Variants in CAMK4 observed in about 807,000 individuals in gnomAD.
CAMK4 encodes the protein calcium/calmodulin dependent protein kinase IV.
CAMK4 carries 22 observed loss-of-function variants against 44.9 expected under a neutral mutation model. The ratio of observed to expected loss-of-function variants is 0.49; its 90% CI spans 0.35 to 0.70. CAMK4 has a LOEUF of 0.70. Among genes scored for constraint, CAMK4 ranks in the 30% least tolerant of loss-of-function variants. The pLI, the probability that CAMK4 is intolerant of heterozygous loss-of-function variation, is 0.01. For synonymous variants in CAMK4, 218 were observed against 215.4 expected, an observed-to-expected ratio of 1.01 and a Z score of -0.11; for missense variants, 498 against 586.8, an observed-to-expected ratio of 0.85 and a Z score of 1.56.
rs114273456 is a variant in CAMK4 at position 111,289,830 on chromosome 5, G to A, written c.162-54194G>A. ...ATTCATACTTCTCCCCATCCCCATT[G>A]TGTAGCAGAAATGCTAGCTCTCAGG... is the stretch of plus-strand genomic sequence containing the variant. On this transcript the variant is annotated intron_variant, in intron 1 of 10. Coordinates refer to ENST00000282356, the MANE Select transcript of CAMK4 (RefSeq NM_001744.6). 1.2e-3 allele frequency among the ~76,000 whole-genome samples: 185 copies of A among 152,294 alleles called. 1 individual carries two copies. The highest frequency in any genetic ancestry group is 4.2e-3 in the African/African-American group (176 of 41,554).
intron 4 of CAMK4, among the ~76,000 whole-genome samples, chr5:111,391,019 G>A (rs986380727): frequency 2.6e-5 from 4 of 152,168 alleles, no homozygotes; most frequent in African/African-American, 9.6e-5. Context: ...GAAATTGGGA[G>A]TGATTTTTAC....
chr5:111,238,485 C>T (rs990619415), intron 1 of CAMK4, among the ~76,000 whole-genome samples: 1 of 152,032 alleles, frequency 6.6e-6, no homozygotes, highest in African/African-American at 2.4e-5. Context: ...GAGTTCTCAT[C>T]AGAACCCGAC....
At position 111,374,951 on chromosome 5, in the gene CAMK4, G is replaced by A. The variant is rs372493883; in HGVS notation, c.303+39G>A. 84 of 1,423,146 alleles carry A rather than the reference G, an allele frequency of 5.9e-5. No individual in the cohort carries two copies. In the African/African-American group the frequency reaches 1.1e-3, roughly 19 times the overall value. The allele number at this position is 1,423,146 out of a possible 1,614,324, so 88.2% of individuals were successfully genotyped here. A position where few individuals can be genotyped will look rare whatever the true frequency, so the allele number is the denominator to read the frequency against. ...AACCTACTATTTCAAATGATTGCCAGAGCTAGAGAAAGGGACCTTTGTCCT... is the reference window on the plus strand; with the variant it reads ...AACCTACTATTTCAAATGATTGCCAAAGCTAGAGAAAGGGACCTTTGTCCT... On this transcript the variant is annotated intron_variant, in intron 3 of 10. Transcript: ENST00000282356.
Position 111,224,929 on chromosome 5 carries a change from C to T in CAMK4, c.161+285C>T, listed in dbSNP as rs1247159921. ...CCCTTGGGTGACAGCTCCCACCGCACGTGGGCCCTGCTTTCCCAATTGATA... is the reference window on the plus strand; with the variant it reads ...CCCTTGGGTGACAGCTCCCACCGCATGTGGGCCCTGCTTTCCCAATTGATA... On this transcript the variant is annotated intron_variant, in intron 1 of 10. Transcript: ENST00000282356. The surrounding 1 kb of genome is among the most constrained non-coding windows in gnomAD (Gnocchi z 5.7). Among the ~76,000 whole-genome samples the T allele has an allele frequency of 6.6e-6, 1 of 151,986 alleles. No individual in the cohort carries two copies.
Position 111,344,016 on chromosome 5 carries a change from C to T in CAMK4, c.162-8C>T. On this transcript the variant is annotated splice_region_variant and splice_polypyrimidine_tract_variant and intron_variant, in intron 1 of 10. Transcript: ENST00000282356. The stretch of plus-strand genomic sequence containing the variant: ...TAACATTTTCTTTTTGTCTTTTTCC[C>T]CCTCAAGGGGTGCTACATCCATTGT... The T allele has an allele frequency of 3.8e-6, 6 of 1,559,718 alleles. No individual in the cohort carries two copies. The highest frequency in any genetic ancestry group is 1.7e-4 in the Middle Eastern group (1 of 5,900).
intron 1 of CAMK4, among the ~76,000 whole-genome samples, chr5:111,314,037 A>G (rs1384912415): frequency 1.3e-5 from 2 of 152,004 alleles, no homozygotes; most frequent in Non-Finnish European, 2.9e-5. Flanking sequence ...TGTTAGGACA[A>G]TTTTGTTTTT....
At chr5:111,305,048 C>T (rs1381578921) in intron 1 of CAMK4, among the ~76,000 whole-genome samples, 6 of 99,872 alleles carry the variant, frequency 6.0e-5, no homozygotes, top group African/African-American at 2.0e-4. Flanking sequence ...TTGAAACCAA[C>T]GAGAACAAAG....
At position 111,233,742 on chromosome 5, in the gene CAMK4, C is replaced by G. The variant is rs138487036; in HGVS notation, c.161+9098C>G. 3.6e-3 allele frequency among the ~76,000 whole-genome samples: 549 copies of G among 152,190 alleles called. 5 individuals are homozygous for G. Among genetic ancestry groups the G allele is most frequent in the African/African-American group, 0.013 (525 of 41,522 alleles). The stretch of plus-strand genomic sequence containing the variant: ...GTGTGTTGAATAATCCTTCTATATG[C>G]TATGCAGATGTCTCAGGTGGATAAT... On this transcript the variant is annotated intron_variant, in intron 1 of 10. Coordinates refer to ENST00000282356, the MANE Select transcript of CAMK4 (RefSeq NM_001744.6).
intron 5 of CAMK4, among the ~76,000 whole-genome samples, chr5:111,426,275 A>G (rs1385756551): frequency 1.3e-5 from 2 of 152,246 alleles, no homozygotes; most frequent in Non-Finnish European, 2.9e-5. Flanking sequence ...GTAAATATTC[A>G]TAAGGCAAGA....
chr5:111,408,533 G>A (rs1468235274), intron 5 of CAMK4, among the ~76,000 whole-genome samples: 4 of 152,116 alleles, frequency 2.6e-5, no homozygotes, highest in African/African-American at 9.7e-5. Context: ...TGAGATTTGG[G>A]TGGGGACACA....
At chr5:111,294,192 A>C (rs1254936170) in intron 1 of CAMK4, among the ~76,000 whole-genome samples, 2 of 152,236 alleles carry the variant, frequency 1.3e-5, no homozygotes, top group Non-Finnish European at 2.9e-5. Context: ...TGATGCCATC[A>C]ATGAAATAAA....
At chr5:111,228,486 C>G (rs541562522) in intron 1 of CAMK4, among the ~76,000 whole-genome samples, 5 of 146,580 alleles carry the variant, frequency 3.4e-5, no homozygotes, top group African/African-American at 1.3e-4. Context: ...TGTTTAGGAA[C>G]CAAATAGATT....
Position 111,344,063 on chromosome 5 carries a change from G to T in CAMK4, c.201G>T (p.Gly67=). ...TTGTGTACAGATGCAAACAGAAGGG[G>T]ACCCAGAAGCCTTATGCTCTCAAAG... ...TSIVYRCKQK[G]TQKPYALKVL... Residue 67 remains glycine (G), a synonymous_variant, in exon 2 of 11, where the codon GGG becomes GGT. Transcript: ENST00000282356. 1 of 1,608,348 alleles carries T rather than the reference G, an allele frequency of 6.2e-7. No homozygotes were observed. Among genetic ancestry groups the T allele is most frequent in the East Asian group, 2.2e-5 (1 of 44,760 alleles).
chr5:111,224,704 C>T lies in CAMK4; in HGVS notation c.161+60C>T. On this transcript the variant is annotated intron_variant, in intron 1 of 10. Coordinates refer to ENST00000282356, the MANE Select transcript of CAMK4 (RefSeq NM_001744.6). This position sits in a 1 kb window ranked among gnomAD's most constrained non-coding sequence, Gnocchi z 5.7. ...CGTGCACTGGGGGTTGTCCCTCTCGCAGCGACGGCTCGGAGGGTGCGGGAG... is the reference window on the plus strand; with the variant it reads ...CGTGCACTGGGGGTTGTCCCTCTCGTAGCGACGGCTCGGAGGGTGCGGGAG... The T allele has an allele frequency of 1.3e-6, 2 of 1,521,118 alleles. No individual in the cohort carries two copies. The highest frequency in any genetic ancestry group is 2.8e-5 in the African/African-American group (2 of 70,870). 94.2% of individuals were successfully genotyped at this position (1,521,118 alleles called of 1,614,324 possible). A position where few individuals can be genotyped will look rare whatever the true frequency, so the allele number is the denominator to read the frequency against.
intron 1 of CAMK4, among the ~76,000 whole-genome samples, chr5:111,309,460 G>T (rs1364562163): frequency 2.0e-5 from 3 of 152,058 alleles, no homozygotes; most frequent in South Asian, 2.1e-4. Context: ...GCCCATTTTT[G>T]TTGTTGTTGT....
chr5:111,425,198 CG>C (rs1561480154), intron 5 of CAMK4, among the ~76,000 whole-genome samples: 1 of 151,678 alleles, frequency 6.6e-6, no homozygotes. Context: ...ACATCCCTGA[CG>C]TGAGTCAGTA....
intron 7 of CAMK4, among the ~76,000 whole-genome samples, chr5:111,464,703 A>G (rs1754762397): frequency 1.3e-5 from 2 of 152,244 alleles, no homozygotes; most frequent in South Asian, 4.1e-4. Flanking sequence ...AAGAGAGGAC[A>G]GTGGGGACAA....
chr5:111,332,955 C>T (rs147788949), intron 1 of CAMK4, among the ~76,000 whole-genome samples: 16 of 151,086 alleles, frequency 1.1e-4, no homozygotes, highest in Non-Finnish European at 2.4e-4. Context: ...TGAGTGGCAG[C>T]AATTAACAGG....
At position 111,431,757 on chromosome 5, in the gene CAMK4, A is replaced by G. The variant is rs149029096; in HGVS notation, c.460-14929A>G. On this transcript the variant is annotated intron_variant, in intron 5 of 10. Transcript: ENST00000282356. ...TACAAATGGCAAACAGGCATATGAA[A>G]AAGTACTCAACATCATTGATCATCA... Among the ~76,000 whole-genome samples the G allele has an allele frequency of 6.4e-3, 980 of 152,320 alleles. 9 individuals are homozygous for G. Among genetic ancestry groups the G allele is most frequent in the African/African-American group, 0.022 (910 of 41,578 alleles).
Sources: gnomAD v4.1 joint callset for allele counts (sites outside exome capture counted in the v4.1 genomes callset) on GRCh38, gnomAD v4.1.1 for gene constraint, Gnocchi (gnomAD v3.1) non-coding constraint, MANE v1.5 for transcripts, NCBI Gene and HGNC (gene_info 2026-07-23, HGNC 2026-07-21) for gene names.